Variants in KCP observed in about 807,000 individuals in gnomAD.
KCP encodes the protein kielin/chordin-like protein.
Under a neutral mutation model 212.7 loss-of-function variants are expected in KCP, and 194 were observed. The ratio of observed to expected loss-of-function variants is 0.91; its 90% CI spans 0.81 to 1.03. The LOEUF is 1.03. KCP is among the 50% of genes least tolerant of loss of function. The pLI is 0.00. For synonymous variants in KCP, 833 were observed against 865.3 expected (o/e 0.96, Z 0.65); for missense variants, 2,080 against 2,162.5 (o/e 0.96, Z 0.76).
intron 5 of KCP, among the ~76,000 whole-genome samples, chr7:128,905,297 G>A (rs1203504794): frequency 6.6e-6 from 1 of 152,116 alleles, no homozygotes; most frequent in African/African-American, 2.4e-5. Context: ...AAACTTACAT[G>A]CCGTTTATTG....
chr7:128,890,996 G>A lies in KCP; in HGVS notation c.2073C>T (p.Cys691=). The A allele has an allele frequency of 7.5e-7, 1 of 1,341,398 alleles. No homozygotes were observed. The highest frequency in any genetic ancestry group is 9.5e-7 in the Non-Finnish European group (1 of 1,052,216). 83.1% of individuals were successfully genotyped at this position (1,341,398 alleles called of 1,614,324 possible). Residue 691 remains cysteine (C), a synonymous_variant, in exon 20 of 40, where the codon TGC becomes TGT. Coordinates refer to ENST00000610776, the MANE Select transcript of KCP (RefSeq NM_001366122.1). ...PPGDPCRRCL[C]LDGSVSCQRL... ...GCTGGCAGGACACGGAGCCGTCGAG[G>A]CAGAGGCAGCGGCGGCAGGGATCGC... is the stretch of plus-strand genomic sequence containing the variant.
At chr7:128,883,970 TATCTC>T (rs753603214) in intron 29 of KCP, 27 bp downstream of exon 29, 136 of 1,541,646 alleles carry the variant, frequency 8.8e-5, no homozygotes, top group Non-Finnish European at 1.2e-4. Context: ...CCTAACCTCA[TATCTC>T]ATCTACCCCC....
Position 128,878,695 on chromosome 7 carries a change from C to T in KCP, c.4174G>A (p.Glu1392Lys), listed in dbSNP as rs1190922535. The T allele has an allele frequency of 6.4e-7, 1 of 1,550,506 alleles. No individual in the cohort carries two copies. Among genetic ancestry groups the T allele is most frequent in the South Asian group, 1.2e-5 (1 of 84,062 alleles). ...TGGTAGGAGCCAGGTACGCTCACCT[C>T]CACCTGGGACTGCCCATCCCACAGC... ...QVLWDGQSQV[E>K]VSVPGSYQGR... The change falls in exon 38 of 40, where the codon GAG (glutamate) becomes AAG (lysine). Residue 1392 changes from glutamate (E) to lysine (K), a missense_variant. Physicochemically the swap from Glu to Lys is moderately conservative, Grantham distance 56. Coordinates refer to ENST00000610776, the MANE Select transcript of KCP (RefSeq NM_001366122.1).
rs1415544772 is a variant in KCP at position 128,877,136 on chromosome 7, G to C, written c.4794C>G (p.Ile1598Met). ...AGLVEHEAHC[I>M]PPEACPQVLL... is the part of the protein sequence containing the mutation. ...GGACTTGGGGGCAGGCCTCGGGTGG[G>C]ATGCAGTGGGCCTCATGCTCCACCA... Residue 1598 changes from isoleucine to methionine, a missense_variant, in exon 40 of 40, where the codon ATC (isoleucine) becomes ATG (methionine). By Grantham distance (10) the Ile-to-Met change is conservative (BLOSUM62 1). Transcript: ENST00000610776. 6.6e-7 allele frequency: 1 copy of C among 1,508,586 alleles called. No homozygotes were observed. Among genetic ancestry groups the C allele is most frequent in the Non-Finnish European group, 8.8e-7 (1 of 1,130,060 alleles). 93.5% of individuals were successfully genotyped at this position (1,508,586 alleles called of 1,614,324 possible). A position where few individuals can be genotyped will look rare whatever the true frequency, so the allele number is the denominator to read the frequency against.
intron 8 of KCP, among the ~76,000 whole-genome samples, chr7:128,896,365 A>C (rs542291918): frequency 1.3e-5 from 2 of 152,276 alleles, no homozygotes; most frequent in Admixed American, 1.3e-4. Flanking sequence ...GGAGGGTTAC[A>C]GTCCCTTCTA....
chr7:128,904,025 G>A, intron 6 of KCP, 31 bp downstream of exon 6: 2 of 1,534,544 alleles, frequency 1.3e-6, no homozygotes, highest in Non-Finnish European at 1.8e-6. Context: ...GGGAGGTGCA[G>A]GGCCTGGGCA....
intron 22 of KCP, 55 bp downstream of exon 22, chr7:128,888,808 G>A (rs1793904339): frequency 1.3e-6 from 2 of 1,504,684 alleles, no homozygotes; most frequent in African/African-American, 2.8e-5. Context: ...GAATCGGTGA[G>A]AAAGGCACCC....
At chr7:128,883,131 T>G (rs1035545586) in intron 29 of KCP, among the ~76,000 whole-genome samples, 1 of 150,696 alleles carries the variant, frequency 6.6e-6, no homozygotes, top group Non-Finnish European at 1.5e-5. Context: ...AAAAAAAAAG[T>G]ATGTTTTTTC....
In KCP at chr7:128,894,192, T is replaced by G; in HGVS notation, c.925+8A>C. On this transcript the variant is annotated splice_region_variant and intron_variant, in intron 9 of 39. Transcript: ENST00000610776. ...ATGGTCAGGCCTCTGCCCTACCCACTGACTCACCATCACACACAGGGCAGC... is the reference window on the plus strand; with the variant it reads ...ATGGTCAGGCCTCTGCCCTACCCACGGACTCACCATCACACACAGGGCAGC... 1 of 1,520,632 alleles carries G rather than the reference T, an allele frequency of 6.6e-7. No individual in the cohort carries two copies. The highest frequency in any genetic ancestry group is 8.9e-7 in the Non-Finnish European group (1 of 1,127,440). The allele number at this position is 1,520,632 out of a possible 1,614,324, so 94.2% of individuals were successfully genotyped here.
intron 29 of KCP, 49 bp downstream of exon 29, chr7:128,883,953 T>A: frequency 6.6e-7 from 1 of 1,514,160 alleles, no homozygotes; most frequent in African/African-American, 1.4e-5. Flanking sequence ...CGGCAGGGGG[T>A]GGCAGCCCTA....
In KCP at chr7:128,879,548, TCACA is replaced by T. The variant is rs1793188118; in HGVS notation, c.4116_4119del (p.Val1373SerfsTer20). 3.8e-5 allele frequency: 59 copies of T among 1,550,052 alleles called. No homozygotes were observed. Among genetic ancestry groups the T allele is most frequent in the Non-Finnish European group, 4.9e-5 (56 of 1,146,896 alleles). On this transcript the variant is annotated frameshift_variant, in exon 37 of 40. Coordinates refer to ENST00000610776, the MANE Select transcript of KCP (RefSeq NM_001366122.1). LOFTEE classifies it high-confidence loss of function. ...TGGAGCCCGGGCTGGGCGTGCAGGA[TCACA>T]GTGTGTCCTCGCAGCTCCACATACA...
At chr7:128,884,289 C>T (rs1020814801) in intron 28 of KCP, among the ~76,000 whole-genome samples, 167 bp from the exon 29 acceptor site, 7 of 152,244 alleles carry the variant, frequency 4.6e-5, no homozygotes, top group Non-Finnish European at 1.5e-5. Context: ...AGACGTGCTC[C>T]TCACCCCATG....
At chr7:128,906,644 GGGAGGAA>G (rs1225509208) in intron 4 of KCP, among the ~76,000 whole-genome samples, 3 of 152,144 alleles carry the variant, frequency 2.0e-5, no homozygotes, top group Non-Finnish European at 4.4e-5. Flanking sequence ...GACTTTCTCA[GGGAGGAA>G]GGAGGAAGGA....
intron 31 of KCP, 43 bp downstream of exon 31, chr7:128,881,583 C>T: frequency 7.2e-7 from 1 of 1,379,612 alleles, no homozygotes; most frequent in Non-Finnish European, 9.6e-7. Context: ...TGTGTTCCCC[C>T]TGGGCTCCTC....
At chr7:128,877,406 C>T in intron 39 of KCP, 78 bp downstream of exon 39, 3 of 1,531,872 alleles carry the variant, frequency 2.0e-6, no homozygotes, top group Non-Finnish European at 2.6e-6. Context: ...CCGGCCTGGT[C>T]CTGCCCTGAG....
intron 1 of KCP, 24 bp from the exon 2 acceptor site, chr7:128,908,592 TG>T: frequency 6.5e-7 from 1 of 1,545,056 alleles, no homozygotes; most frequent in Non-Finnish European, 8.8e-7. Context: ...GAATCCCATG[TG>T]GGCCTGAGGG....
intron 21 of KCP, 157 bp downstream of exon 21, chr7:128,890,186 T>C: frequency 7.1e-7 from 1 of 1,402,552 alleles, no homozygotes; most frequent in Non-Finnish European, 9.7e-7. Context: ...TCCCAAATTG[T>C]CGGGGTCACA....
At chr7:128,902,755 C>T in intron 8 of KCP, 22 bp downstream of exon 8, 1 of 1,548,780 alleles carries the variant, frequency 6.5e-7, no homozygotes, top group Non-Finnish European at 8.7e-7. Flanking sequence ...GGGGACAGAC[C>T]AGGAGCAGCC....
In KCP at chr7:128,893,747, C is replaced by T. The variant is rs1335274533; in HGVS notation, c.1099+59G>A. ...TCCAAGAGAAGCAAATCCCCCACAC[C>T]TACAGCCTCTCTGCAGCCAAGGCCT... is the stretch of plus-strand genomic sequence containing the variant. On this transcript the variant is annotated intron_variant, in intron 11 of 39. Transcript: ENST00000610776. 2.0e-4 allele frequency: 305 copies of T among 1,509,718 alleles called. 1 individual carries two copies. Among genetic ancestry groups the T allele is most frequent in the Non-Finnish European group, 1.1e-5 (12 of 1,118,648 alleles). The allele number at this position is 1,509,718 out of a possible 1,614,324, so 93.5% of individuals were successfully genotyped here. A position where few individuals can be genotyped will look rare whatever the true frequency, so the allele number is the denominator to read the frequency against.
Sources: gnomAD v4.1 joint callset for allele counts (sites outside exome capture counted in the v4.1 genomes callset) on GRCh38, gnomAD v4.1.1 for gene constraint, MANE v1.5 for transcripts, NCBI Gene and HGNC (gene_info 2026-07-23, HGNC 2026-07-21) for gene names.